Variants in GPR160 observed in about 807,000 individuals in gnomAD.
GPR160 encodes the protein probable G protein-coupled receptor 160.
In GPR160, 2 loss-of-function variants were observed where a neutral mutation model predicts 2.6. The ratio of observed to expected loss-of-function variants is 0.77; its 90% CI spans 0.32 to 2.44. The LOEUF (loss-of-function observed/expected upper bound fraction) is 2.44. GPR160 is among the 30% of genes most tolerant of loss of function. The probability of loss-of-function intolerance (pLI) is 0.11; values close to 1 mark genes in which losing one functional copy is unlikely to be tolerated. For synonymous variants in GPR160, 130 were observed against 132.2 expected (o/e 0.98, Z 0.12); for missense variants, 351 against 383.6 (o/e 0.91, Z 0.71).
intron 2 of GPR160, among the ~76,000 whole-genome samples, chr3:170,039,350 A>C (rs1247103413): frequency 6.6e-6 from 1 of 152,128 alleles, no homozygotes; most frequent in East Asian, 1.9e-4. Flanking sequence ...ACGATTTAAG[A>C]GAAATTCGGT....
chr3:170,084,712 G>C lies in GPR160; in HGVS notation c.740G>C (p.Cys247Ser). The C allele has an allele frequency of 6.2e-7, 1 of 1,612,512 alleles. No individual in the cohort carries two copies. The change falls in exon 4 of 4, where the codon TGT (cysteine) becomes TCT (serine). Residue 247 changes from cysteine to serine, a missense_variant. Transcript: ENST00000355897. ...ATATTCTTATCCAAGCTCATTGTCT[G>C]TTTTCTCAGTACCTGGTTACCATTT... is the stretch of plus-strand genomic sequence containing the variant. ...KKIFLSKLIVCFLSTWLPFVL... is the reference protein window; with the variant it reads ...KKIFLSKLIVSFLSTWLPFVL...
chr3:170,040,681 C>T (rs1716408285), intron 2 of GPR160, among the ~76,000 whole-genome samples: 1 of 152,180 alleles, frequency 6.6e-6, no homozygotes, highest in Non-Finnish European at 1.5e-5. Flanking sequence ...CAGTAGTGAA[C>T]ACACGTGTCG....
intron 2 of GPR160, among the ~76,000 whole-genome samples, chr3:170,056,103 C>G (rs1259210134): frequency 6.6e-6 from 1 of 152,136 alleles, no homozygotes; most frequent in Non-Finnish European, 1.5e-5. Context: ...TCTTAAAACT[C>G]AGTACCTGAA....
At chr3:170,062,952 C>T in intron 2 of GPR160, 1 of 301,338 alleles carries the variant, frequency 3.3e-6, no homozygotes, top group South Asian at 3.7e-5. Context: ...ATCACCGACG[C>T]CACGGGACCC....
At chr3:170,046,547 G>A (rs1415086454) in intron 2 of GPR160, among the ~76,000 whole-genome samples, 1 of 152,072 alleles carries the variant, frequency 6.6e-6, no homozygotes, top group Non-Finnish European at 1.5e-5. Context: ...ATGTTGTGAG[G>A]GGCTAACAAC....
rs1171259523 is a variant in GPR160, at chr3:170,055,916, G to C, written c.-193+16873G>C. 2.0e-5 allele frequency among the ~76,000 whole-genome samples: 3 copies of C among 152,204 alleles called. No individual in the cohort carries two copies. In the South Asian group the frequency reaches 6.2e-4, roughly 31 times the overall value. On this transcript the variant is annotated intron_variant, in intron 2 of 3. Coordinates refer to ENST00000355897, the MANE Select transcript of GPR160 (RefSeq NM_014373.3). Reference sequence around the variant, plus strand: ...CCCAAAGTGCTGGGATTACAGGCGTGAGCCACTGCGCCCGGCCTTAAAAAC... The same window carrying C: ...CCCAAAGTGCTGGGATTACAGGCGTCAGCCACTGCGCCCGGCCTTAAAAAC...
chr3:170,056,391 C>T (rs951421273), intron 2 of GPR160, among the ~76,000 whole-genome samples: 3 of 152,132 alleles, frequency 2.0e-5, no homozygotes, highest in African/African-American at 4.8e-5. Flanking sequence ...GAACATTTTA[C>T]GGATCTGGAG....
intron 2 of GPR160, among the ~76,000 whole-genome samples, chr3:170,062,021 GT>G (rs530375783): frequency 3.5e-5 from 3 of 86,220 alleles, no homozygotes; most frequent in African/African-American, 9.1e-5. Flanking sequence ...TAAATTCCAA[GT>G]TTTTTTATTT....
chr3:170,048,654 C>A (rs1324764309), intron 2 of GPR160, among the ~76,000 whole-genome samples: 1 of 152,190 alleles, frequency 6.6e-6, no homozygotes, highest in Admixed American at 6.5e-5. Flanking sequence ...AGGTTTTCAA[C>A]ATTGGAAAGT....
intron 2 of GPR160, among the ~76,000 whole-genome samples, chr3:170,041,981 G>A (rs1162012787): frequency 3.9e-5 from 6 of 152,210 alleles, no homozygotes; most frequent in East Asian, 3.9e-4. Flanking sequence ...ACACCATTTC[G>A]CCCTGATTCA....
intron 2 of GPR160, among the ~76,000 whole-genome samples, chr3:170,051,514 C>T (rs1188238172): frequency 6.6e-6 from 1 of 152,104 alleles, no homozygotes; most frequent in Non-Finnish European, 1.5e-5. Flanking sequence ...CACCTGAGAT[C>T]AGGAGTTCAA....
At chr3:170,062,665 A>G in intron 2 of GPR160, 1 of 1,441,540 alleles carries the variant, frequency 6.9e-7, no homozygotes, top group Non-Finnish European at 9.6e-7. Flanking sequence ...TCGCCAAGCA[A>G]GCCTTGAAAT....
chr3:170,062,908 C>A (rs1289814229), intron 2 of GPR160: 3 of 363,896 alleles, frequency 8.2e-6, no homozygotes, highest in Non-Finnish European at 1.5e-5. Flanking sequence ...CCCGGGGCGC[C>A]TTTGTGGTAG....
intron 2 of GPR160, among the ~76,000 whole-genome samples, chr3:170,042,828 TAA>T (rs763216364): frequency 9.3e-5 from 10 of 107,992 alleles, no homozygotes; most frequent in South Asian, 3.0e-4. Flanking sequence ...CTCTCTCTCT[TAA>T]AAAAAAAAAA....
At chr3:170,070,722 T>C (rs1712548111) in intron 2 of GPR160, among the ~76,000 whole-genome samples, 1 of 152,336 alleles carries the variant, frequency 6.6e-6, no homozygotes, top group South Asian at 2.1e-4. Flanking sequence ...TAGAATCTGG[T>C]AAAACTTGAT....
chr3:170,074,511 T>C lies in GPR160; in HGVS notation c.-192-5263T>C, dbSNP rs191400426. ...TTATTTATTTATTTGAGACAGGGTC[T>C]TCTTCTGTCTCCCAGGCTGGAGTGT... On this transcript the variant is annotated intron_variant, in intron 2 of 3. Transcript: ENST00000355897. Among the ~76,000 whole-genome samples the C allele has an allele frequency of 2.3e-3, 349 of 152,184 alleles. 3 individuals carry two copies. Among genetic ancestry groups the C allele is most frequent in the Non-Finnish European group, 3.7e-3 (253 of 67,992 alleles).
chr3:170,045,738 A>G (rs1716693364), intron 2 of GPR160, among the ~76,000 whole-genome samples: 1 of 152,192 alleles, frequency 6.6e-6, no homozygotes, highest in Non-Finnish European at 1.5e-5. Context: ...CCCTCAGGTG[A>G]TGATTAACCC....
In GPR160 at chr3:170,038,140, C is replaced by A; in HGVS notation, c.-397C>A. The A allele has an allele frequency of 6.5e-6, 1 of 152,832 alleles. No homozygotes were observed. The highest frequency in any genetic ancestry group is 1.9e-4 in the South Asian group (1 of 5,324). 9.5% of individuals were successfully genotyped at this position (152,832 alleles called of 1,614,324 possible). A position where few individuals can be genotyped will look rare whatever the true frequency, so the allele number is the denominator to read the frequency against. ...GCGAGCTGGGCCCTCGCCCCTCCCTCGGGCGGTCACCTGGGCACGGGCGCT... is the reference window on the plus strand; with the variant it reads ...GCGAGCTGGGCCCTCGCCCCTCCCTAGGGCGGTCACCTGGGCACGGGCGCT... On this transcript the variant is annotated 5_prime_UTR_variant, in exon 1 of 4. Coordinates refer to ENST00000355897, the MANE Select transcript of GPR160 (RefSeq NM_014373.3). This position sits in a 1 kb window ranked among gnomAD's most constrained non-coding sequence, Gnocchi z 5.3.
chr3:170,068,115 G>A (rs2255256), intron 2 of GPR160, among the ~76,000 whole-genome samples: 16,828 of 152,096 alleles, frequency 0.11, 992 homozygotes, highest in Middle Eastern at 0.16. Flanking sequence ...TAAATTTTAC[G>A]TTTCATTTAT....
Sources: gnomAD v4.1 joint callset for allele counts (sites outside exome capture counted in the v4.1 genomes callset) on GRCh38, gnomAD v4.1.1 for gene constraint, Gnocchi (gnomAD v3.1) non-coding constraint, MANE v1.5 for transcripts, NCBI Gene and HGNC (gene_info 2026-07-23, HGNC 2026-07-21) for gene names.